Variants in RORB observed in about 807,000 individuals in gnomAD.
RORB encodes RAR related orphan receptor B.
Under a neutral mutation model 59.1 loss-of-function variants are expected in RORB, and 6 were observed. The ratio of observed to expected loss-of-function variants is 0.10; its 90% confidence interval spans 0.06 to 0.20. RORB has a LOEUF of 0.20. Among genes scored for constraint, RORB ranks in the 10% least tolerant of loss-of-function variants. The pLI is 1.00. For missense variants in RORB, 320 were observed against 560.5 expected, an observed-to-expected ratio of 0.57 and a Z score of 4.33; for synonymous variants, 215 against 204.5, an observed-to-expected ratio of 1.05 and a Z score of -0.44.
At chr9:74,668,593 T>C (rs1453377736) in intron 8 of RORB, among the ~76,000 whole-genome samples, 1 of 152,192 alleles carries the variant, frequency 6.6e-6, no homozygotes, top group East Asian at 1.9e-4. Flanking sequence ...TTAAATGTAT[T>C]GTATACTGTA....
chr9:74,611,414 T>C (rs1052248823), intron 1 of RORB, among the ~76,000 whole-genome samples: 2 of 152,216 alleles, frequency 1.3e-5, no homozygotes, highest in African/African-American at 4.8e-5. Context: ...GAACCAACTA[T>C]GATTAAATAA....
At chr9:74,532,870 G>GTA (rs144848426) in intron 1 of RORB, among the ~76,000 whole-genome samples, 8 of 139,274 alleles carry the variant, frequency 5.7e-5, no homozygotes, top group South Asian at 2.2e-4. Flanking sequence ...ATGTGTGTGT[G>GTA]TGTATATATA....
At chr9:74,546,906 A>G (rs898550955) in intron 1 of RORB, among the ~76,000 whole-genome samples, 5 of 152,194 alleles carry the variant, frequency 3.3e-5, no homozygotes, top group African/African-American at 7.2e-5. Flanking sequence ...CAGCCTGGCC[A>G]ACATGATGAG....
intron 1 of RORB, among the ~76,000 whole-genome samples, chr9:74,505,428 A>G (rs1199613095): frequency 6.6e-6 from 1 of 152,118 alleles, no homozygotes; most frequent in East Asian, 1.9e-4. Flanking sequence ...TTACAGCCAT[A>G]TATATAAAAA....
intron 4 of RORB, among the ~76,000 whole-genome samples, chr9:74,658,018 AAAAAAAAAAAG>A (rs1476409194): frequency 6.6e-6 from 1 of 151,256 alleles, no homozygotes; most frequent in Non-Finnish European, 1.5e-5. Flanking sequence ...AAAAAAAAAA[AAAAAAAAAAAG>A]AAAAGAAAAG....
chr9:74,645,237 T>C (rs1232935442), intron 4 of RORB, among the ~76,000 whole-genome samples: 1 of 152,182 alleles, frequency 6.6e-6, no homozygotes, highest in Non-Finnish European at 1.5e-5. Context: ...AAACCCATTC[T>C]ATGACTGTTG....
At position 74,584,760 on chromosome 9, in the gene RORB, G is replaced by A. The variant is rs183810971; in HGVS notation, c.8-45522G>A. Among the ~76,000 whole-genome samples the A allele has an allele frequency of 1.2e-4, 18 of 152,274 alleles. 1 individual carries two copies. The East Asian group carries it at 3.5e-3, about 29-fold the overall frequency. ...TACATCATTGGTAATGGAGATAGTG[G>A]CTACTGTCATAGACCCTCAGACTCA... On this transcript the variant is annotated intron_variant, in intron 1 of 9. Transcript: ENST00000376896.
In RORB at chr9:74,687,877, C is replaced by T. The variant is rs1824672160; in HGVS notation, c.*2259C>T. 1 of 152,184 alleles carries T rather than the reference C, an allele frequency of 6.6e-6. No individual in the cohort carries two copies. Among genetic ancestry groups the T allele is most frequent in the Non-Finnish European group, 1.5e-5 (1 of 68,044 alleles). The allele number at this position is 152,184 out of a possible 1,614,324, so 9.4% of individuals were successfully genotyped here. ...TGATAGGCGATGCTTCATGTGTCTA[C>T]TTGGTGTTTCCCTTTGAGCTTTGAA... On this transcript the variant is annotated 3_prime_UTR_variant, in exon 10 of 10. Transcript: ENST00000376896.
chr9:74,621,456 C>T (rs1823417079), intron 1 of RORB, among the ~76,000 whole-genome samples: 1 of 152,186 alleles, frequency 6.6e-6, no homozygotes, highest in Non-Finnish European at 1.5e-5. Context: ...TTTCAAAGCA[C>T]AAATGTACCA....
chr9:74,528,703 T>C (rs1320831203), intron 1 of RORB, among the ~76,000 whole-genome samples: 1 of 152,058 alleles, frequency 6.6e-6, no homozygotes, highest in Non-Finnish European at 1.5e-5. Flanking sequence ...TCTTTTGTAA[T>C]GTTGCACTAG....
At chr9:74,664,366 T>C (rs145184549) in intron 6 of RORB, among the ~76,000 whole-genome samples, 10 of 152,318 alleles carry the variant, frequency 6.6e-5, no homozygotes, top group Admixed American at 2.0e-4. Flanking sequence ...AACTGAACCA[T>C]ATAATCTTTA....
chr9:74,677,374 A>C (rs2118561364), intron 9 of RORB, among the ~76,000 whole-genome samples: 1 of 152,332 alleles, frequency 6.6e-6, no homozygotes, highest in Non-Finnish European at 1.5e-5. Context: ...TATTTCAAAT[A>C]GTTAGGATTT....
chr9:74,650,223 T>C (rs1453974525), intron 4 of RORB, among the ~76,000 whole-genome samples: 1 of 152,216 alleles, frequency 6.6e-6, no homozygotes, highest in East Asian at 1.9e-4. Context: ...TAAATAGTAT[T>C]TCAAGACATT....
intron 1 of RORB, among the ~76,000 whole-genome samples, chr9:74,528,455 T>C (rs1826188982): frequency 6.6e-6 from 1 of 151,996 alleles, no homozygotes. Flanking sequence ...AAGCAGCAGC[T>C]CTGGATGTTT....
chr9:74,669,260 C>T (rs1256129103), intron 8 of RORB, among the ~76,000 whole-genome samples: 1 of 152,180 alleles, frequency 6.6e-6, no homozygotes, highest in Non-Finnish European at 1.5e-5. Flanking sequence ...CAGCGGATCA[C>T]CTGAGGTCAG....
At chr9:74,626,647 A>C (rs1823522192) in intron 1 of RORB, among the ~76,000 whole-genome samples, 1 of 152,218 alleles carries the variant, frequency 6.6e-6, no homozygotes, top group African/African-American at 2.4e-5. Context: ...CCTTCATTGT[A>C]ACAGCTGGTG....
chr9:74,620,976 C>T (rs1488562873), intron 1 of RORB, among the ~76,000 whole-genome samples: 1 of 152,174 alleles, frequency 6.6e-6, no homozygotes, highest in East Asian at 1.9e-4. Context: ...AATTAATAAA[C>T]ATTTTTAGCA....
At chr9:74,515,315 G>A (rs562506877) in intron 1 of RORB, among the ~76,000 whole-genome samples, 4 of 151,752 alleles carry the variant, frequency 2.6e-5, no homozygotes, top group Admixed American at 2.0e-4. Flanking sequence ...TAAGTAACTT[G>A]TCCAAAGTCA....
chr9:74,552,616 G>A (rs1283453967), intron 1 of RORB, among the ~76,000 whole-genome samples: 2 of 151,836 alleles, frequency 1.3e-5, no homozygotes, highest in African/African-American at 2.4e-5. Flanking sequence ...CTGAGCAAAA[G>A]GGCTTCTTTT....
Sources: allele counts gnomAD v4.1 joint callset (sites outside exome capture counted in the v4.1 genomes callset), GRCh38; gene constraint gnomAD v4.1.1; transcripts MANE v1.5; gene names NCBI Gene and HGNC (gene_info 2026-07-23, HGNC 2026-07-21).